FAT2: variants seen among roughly 807,000 people sequenced by gnomAD.
The protein encoded by FAT2 is FAT atypical cadherin 2, also known as protocadherin Fat 2.
In FAT2, 150 loss-of-function variants were observed where a neutral mutation model predicts 295.3. The observed-to-expected ratio is 0.51, with a 90% CI of 0.44 to 0.58. FAT2 has a LOEUF of 0.58. FAT2 is among the 20% of genes least tolerant of loss of function. The probability of loss-of-function intolerance (pLI) is 0.00; values close to 1 mark genes in which losing one functional copy is unlikely to be tolerated. For missense variants in FAT2, 4,868 were observed against 5,442.7 expected (o/e 0.89, Z 3.32); for synonymous variants, 2,026 against 2,150.3 (o/e 0.94, Z 1.60).
At chr5:151,549,092 T>TTACTCATAATTAC (rs1353610648) in intron 9 of FAT2, among the ~76,000 whole-genome samples, 10 of 152,346 alleles carry the variant, frequency 6.6e-5, no homozygotes, top group African/African-American at 2.2e-4. Flanking sequence ...TGAGTGGTCC[T>TTACTCATAATTAC]TACTCATATT....
rs2127610633 is a variant in FAT2 at position 151,544,838 on chromosome 5, C to T, written c.6289G>A (p.Glu2097Lys). Reference protein sequence around the residue: ...DVLFQVSATDEDLGTNGAVTY... With the variant: ...DVLFQVSATDKDLGTNGAVTY... ...ACAGCCCCATTTGTCCCCAAGTCCT[C>T]ATCAGTGGCAGATACCTGAAAGAGG... Residue 2097 changes from glutamate (E) to lysine (K), a missense_variant, in exon 10 of 24, where the codon GAG (glutamate) becomes AAG (lysine). Physicochemically the swap from Glu to Lys is moderately conservative, Grantham distance 56. Transcript: ENST00000261800. 7 of 1,614,200 alleles carry T rather than the reference C, an allele frequency of 4.3e-6. No homozygotes were observed. The highest frequency in any genetic ancestry group is 5.9e-6 in the Non-Finnish European group (7 of 1,180,028).
rs201060619 is a variant in FAT2, at chr5:151,545,211, G to A, written c.5916C>T (p.Val1972=). 53 of 1,614,214 alleles carry A rather than the reference G, an allele frequency of 3.3e-5. No homozygotes were observed. In the Middle Eastern group the frequency reaches 2.0e-3, roughly 60 times the overall value. ...AGTTCTCCTTCACAGCTGCCCAGTA[G>A]ACATCCTGATCAAACTGCAAGCTTT... ...LDKSLQFDQD[V]YWAAVKENLQ... is the part of the protein sequence containing the mutation. Residue 1972 remains valine (V), a synonymous_variant, in exon 10 of 24, where the codon GTC becomes GTT. Transcript: ENST00000261800.
intron 18 of FAT2, among the ~76,000 whole-genome samples, chr5:151,522,786 G>A (rs779862841): frequency 2.6e-5 from 4 of 152,080 alleles, no homozygotes; most frequent in South Asian, 2.1e-4. Context: ...GAATGAAGGC[G>A]GTGTGTTCAA....
chr5:151,536,383 A>T (rs1864933), intron 12 of FAT2, among the ~76,000 whole-genome samples: 75,994 of 151,850 alleles, frequency 0.5, 19,180 homozygotes, highest in East Asian at 0.72. Flanking sequence ...TTCCTGCGAC[A>T]CCCTTCTCCC....
At position 151,543,042 on chromosome 5, in the gene FAT2, C is replaced by A; in HGVS notation, c.8085G>T (p.Leu2695Phe). The A allele has an allele frequency of 6.2e-7, 1 of 1,614,178 alleles. No individual in the cohort carries two copies. The highest frequency in any genetic ancestry group is 8.5e-7 in the Non-Finnish European group (1 of 1,180,030). Reference sequence around the variant, plus strand: ...GGTCTTCAGGTGCAGAGAAAGTATACAAAGGTTCAGAAAATTTCGGTAAGG... The same window carrying A: ...GGTCTTCAGGTGCAGAGAAAGTATAAAAAGGTTCAGAAAATTTCGGTAAGG... ...KVSLPKFSEP[L>F]YTFSAPEDLP... The change falls in exon 10 of 24, where the codon TTG becomes TTT. Residue 2695 changes from leucine to phenylalanine, a missense_variant. Physicochemically the swap from Leu to Phe is conservative, Grantham distance 22. Around this residue, in one of 5 missense-constraint regions of FAT2, gnomAD observed 3,297 missense variants for 3,669.4 expected, o/e 0.90. Coordinates refer to ENST00000261800, the MANE Select transcript of FAT2 (RefSeq NM_001447.3).
chr5:151,582,867 A>T (rs921457405), intron 1 of FAT2, among the ~76,000 whole-genome samples: 10 of 152,286 alleles, frequency 6.6e-5, no homozygotes, highest in African/African-American at 2.4e-4. Flanking sequence ...GGTGGGGGGA[A>T]CACTGGCCCT....
At chr5:151,591,989 C>A (rs957075185), upstream of FAT2, among the ~76,000 whole-genome samples, 1 of 152,212 alleles carries the variant, frequency 6.6e-6, no homozygotes, top group Non-Finnish European at 1.5e-5. Flanking sequence ...TAAGTTTGGG[C>A]TCCCCCATCT....
rs2127591730 is a variant in FAT2 at position 151,531,850 on chromosome 5, A to G, written c.9548T>C (p.Leu3183Pro). Residue 3183 changes from leucine (L) to proline (P), a missense_variant, in exon 14 of 24, where the codon CTG becomes CCG. Transcript: ENST00000261800. This position sits in a 1 kb window ranked among gnomAD's most constrained non-coding sequence, Gnocchi z 5.7. ...KPLQVRPQAP[L>P]ELTVRASDLG... The stretch of plus-strand genomic sequence containing the variant: ...GTCAGAGGCACGGACCGTGAGCTCC[A>G]GTGGTGCCTGGGGCCTGACCTGCAG... 6.2e-7 allele frequency: 1 copy of G among 1,613,878 alleles called. No individual in the cohort carries two copies. The highest frequency in any genetic ancestry group is 8.5e-7 in the Non-Finnish European group (1 of 1,180,022).
intron 4 of FAT2, among the ~76,000 whole-genome samples, chr5:151,555,621 C>T (rs1757628089): frequency 6.6e-6 from 1 of 152,158 alleles, no homozygotes; most frequent in African/African-American, 2.4e-5. Flanking sequence ...CTGCCCGCCT[C>T]AGCCTCCCAA....
intron 2 of FAT2, 51 bp from the exon 3 acceptor site, chr5:151,563,690 T>C (rs753863095): frequency 1.3e-6 from 2 of 1,520,454 alleles, no homozygotes; most frequent in South Asian, 2.3e-5. Context: ...TCAAAGTGGC[T>C]TTAGAAATCA....
At chr5:151,508,844 C>T (rs1227853211) in intron 22 of FAT2, among the ~76,000 whole-genome samples, 1 of 152,112 alleles carries the variant, frequency 6.6e-6, no homozygotes, top group Non-Finnish European at 1.5e-5. Context: ...TATACACAGG[C>T]TAATAGCAAA....
chr5:151,535,636 C>T (rs1289767646), intron 12 of FAT2, among the ~76,000 whole-genome samples: 3 of 152,110 alleles, frequency 2.0e-5, no homozygotes, highest in South Asian at 4.1e-4. Flanking sequence ...GTGAGCTGTC[C>T]CAACAAATTA....
rs1331305319 is a variant in FAT2 at position 151,543,461 on chromosome 5, T to G, written c.7666A>C (p.Lys2556Gln). The change falls in exon 10 of 24, where the codon AAG becomes CAG. Residue 2556 changes from lysine (K) to glutamine (Q), a missense_variant. Physicochemically the swap from Lys to Gln is moderately conservative, Grantham distance 53. Coordinates refer to ENST00000261800, the MANE Select transcript of FAT2 (RefSeq NM_001447.3). The part of the protein sequence containing the change: ...ENSTERVIAI[K>Q]VMARDGGGRV... ...CCTCCTCCATCCCGAGCCATGACCT[T>G]AATAGCAATGACTCTCTCTGTTGAA... 1.2e-6 allele frequency: 2 copies of G among 1,614,080 alleles called. No homozygotes were observed. The highest frequency in any genetic ancestry group is 1.3e-5 in the African/African-American group (1 of 74,928).
chr5:151,593,245 C>A (rs938547601), upstream of FAT2, among the ~76,000 whole-genome samples: 10 of 152,232 alleles, frequency 6.6e-5, no homozygotes, highest in Non-Finnish European at 1.3e-4. Context: ...GGAAGGGTGG[C>A]GGGGCAGCCC....
chr5:151,539,978 T>C (rs1755935833), intron 11 of FAT2, among the ~76,000 whole-genome samples: 1 of 152,188 alleles, frequency 6.6e-6, no homozygotes, highest in African/African-American at 2.4e-5. Context: ...AGGAGGTGCA[T>C]ATATGGGCAT....
chr5:151,558,923 G>A (rs1256430563), intron 3 of FAT2, among the ~76,000 whole-genome samples: 7 of 152,378 alleles, frequency 4.6e-5, no homozygotes, highest in Non-Finnish European at 5.9e-5. Context: ...CTAAGAGGCC[G>A]TGGCTGGTGT....
rs774528068 is a variant in FAT2 at position 151,580,974 on chromosome 5, A to G, written c.-21+10191T>C. Among the ~76,000 whole-genome samples the G allele has an allele frequency of 1.7e-4, 26 of 152,086 alleles. 1 individual carries two copies. Among genetic ancestry groups the G allele is most frequent in the Non-Finnish European group, 3.4e-4 (23 of 68,018 alleles). ...CTGTTCCTCTTAACTGCTGAAACAG[A>G]AGCTTCTCCTTGTTCCCTTCCGTGA... On this transcript the variant is annotated intron_variant, in intron 1 of 23. Coordinates refer to ENST00000261800, the MANE Select transcript of FAT2 (RefSeq NM_001447.3).
chr5:151,509,135 A>G (rs1360009152), intron 22 of FAT2, among the ~76,000 whole-genome samples: 2 of 152,182 alleles, frequency 1.3e-5, no homozygotes, highest in Non-Finnish European at 2.9e-5. Context: ...CACCTGCCCA[A>G]GTGGAACCAT....
chr5:151,522,253 A>T, intron 18 of FAT2, 167 bp from the exon 19 acceptor site: 1 of 568,506 alleles, frequency 1.8e-6, no homozygotes, highest in South Asian at 2.7e-5. Flanking sequence ...CTCCAAAAGC[A>T]CTGACAGAAA....
Sources: allele counts gnomAD v4.1 joint callset (sites outside exome capture counted in the v4.1 genomes callset), GRCh38; gene constraint gnomAD v4.1.1; regional missense constraint gnomAD v4.1.1; non-coding constraint Gnocchi (gnomAD v3.1); transcripts MANE v1.5; gene names NCBI Gene and HGNC (gene_info 2026-07-23, HGNC 2026-07-21).